The following HYAL4 variants were observed in gnomAD, a reference collection of about 807,000 sequenced individuals.
The protein encoded by HYAL4 is hyaluronidase-4.
HYAL4 carries 37 observed loss-of-function variants against 35.2 expected under a neutral mutation model. That is an observed-to-expected ratio of 1.05 (90% confidence interval 0.81 to 1.38). HYAL4 has a LOEUF of 1.38. HYAL4 is among the 40% of genes most tolerant of loss of function. The probability of loss-of-function intolerance (pLI) is 0.00; values close to 1 mark genes in which losing one functional copy is unlikely to be tolerated. For missense variants in HYAL4, 572 were observed against 572.4 expected, an observed-to-expected ratio of 1.00 and a Z score of 0.01; for synonymous variants, 198 against 203.2, an observed-to-expected ratio of 0.97 and a Z score of 0.22.
At chr7:123,781,127 A>G in the HYAL4 span, among the ~76,000 whole-genome samples, 4 of 46,846 alleles carry the variant, frequency 8.5e-5, no homozygotes, top group Non-Finnish European at 1.6e-4. Context: ...AGAGGAAGGC[A>G]TCTGTCTCCT....
upstream of HYAL4, among the ~76,000 whole-genome samples, chr7:123,825,204 T>G (rs570012128): frequency 6.6e-6 from 1 of 152,032 alleles, no homozygotes; most frequent in East Asian, 1.9e-4. Flanking sequence ...GTTCCTGTCT[T>G]TTTTTTAACC....
At chr7:123,765,966 T>G in the HYAL4 span, among the ~76,000 whole-genome samples, 1 of 152,196 alleles carries the variant, frequency 6.6e-6, no homozygotes, top group African/African-American at 2.4e-5. Context: ...CTTAAGCTAT[T>G]TGAATTTCCT....
At chr7:123,875,486 G>GTATAAAAATT (rs1806988653) in intron 4 of HYAL4, among the ~76,000 whole-genome samples, 3 of 151,836 alleles carry the variant, frequency 2.0e-5, no homozygotes, top group African/African-American at 7.3e-5. Context: ...AAGAAAGCCA[G>GTATAAAAATT]TCTCTACTAG....
intron 3 of HYAL4, among the ~76,000 whole-genome samples, chr7:123,873,671 A>G (rs1251550275): frequency 6.6e-6 from 1 of 152,228 alleles, no homozygotes; most frequent in Non-Finnish European, 1.5e-5. Context: ...GTAATTTAAT[A>G]AACTAGGAAA....
At chr7:123,857,150 C>A (rs1465337378) in intron 2 of HYAL4, among the ~76,000 whole-genome samples, 1 of 152,150 alleles carries the variant, frequency 6.6e-6, no homozygotes, top group Non-Finnish European at 1.5e-5. Flanking sequence ...TTGAGTTAGA[C>A]CACTTGGCTC....
At chr7:123,844,100 C>G (rs1806125245), upstream of HYAL4, 1 of 152,016 alleles carries the variant, frequency 6.6e-6, no homozygotes, top group Admixed American at 6.6e-5. Context: ...GAATTTTCAG[C>G]TTTTCTGCTC....
intron 2 of HYAL4, among the ~76,000 whole-genome samples, chr7:123,848,684 C>T (rs185125886): frequency 2.6e-5 from 4 of 152,248 alleles, no homozygotes; most frequent in East Asian, 3.9e-4. Context: ...AGTATTAGTG[C>T]GTATTTTGAC....
chr7:123,779,079 T>TTA, the HYAL4 span, among the ~76,000 whole-genome samples: 2 of 152,200 alleles, frequency 1.3e-5, no homozygotes, highest in Non-Finnish European at 2.9e-5. Flanking sequence ...CATGTTAATA[T>TTA]GTAAGAGGCT....
At chr7:123,830,326 A>G (rs554023617) in intron 1 of HYAL4, among the ~76,000 whole-genome samples, 1 of 152,346 alleles carries the variant, frequency 6.6e-6, no homozygotes, top group South Asian at 2.1e-4. Flanking sequence ...TAATTTTCCA[A>G]GAGAAATTAG....
chr7:123,790,422 TG>T, the HYAL4 span, among the ~76,000 whole-genome samples: 1 of 152,276 alleles, frequency 6.6e-6, no homozygotes, highest in Admixed American at 6.5e-5. Flanking sequence ...GAGTTAGAAC[TG>T]ATGTCTTCAG....
At chr7:123,768,203 A>G in the HYAL4 span, among the ~76,000 whole-genome samples, 1 of 152,234 alleles carries the variant, frequency 6.6e-6, no homozygotes, top group African/African-American at 2.4e-5. Context: ...TATAAACATA[A>G]CTACAGTACT....
rs763224719 is a variant in HYAL4, at chr7:123,868,394, C to T, written c.121C>T (p.Pro41Ser). ...CTCTTGTCTAAAACCTGCTCGACTT[C>T]CAATTTATCAAAGGAAACCTTTTAT... ...SISCLKPARL[P>S]IYQRKPFIAA... The change falls in exon 3 of 5, where the codon CCA becomes TCA. Residue 41 changes from proline to serine, a missense_variant. Transcript: ENST00000223026. 1.9e-5 allele frequency: 31 copies of T among 1,612,868 alleles called. No homozygotes were observed. The highest frequency in any genetic ancestry group is 2.6e-5 in the Non-Finnish European group (31 of 1,179,504).
chr7:123,789,085 T>A, the HYAL4 span, among the ~76,000 whole-genome samples: 1 of 152,290 alleles, frequency 6.6e-6, no homozygotes, highest in South Asian at 2.1e-4. Context: ...GGTGTATTTA[T>A]CCAGCACATA....
chr7:123,852,451 G>C (rs144059542), intron 2 of HYAL4, among the ~76,000 whole-genome samples: 3,200 of 152,084 alleles, frequency 0.021, 105 homozygotes, highest in African/African-American at 0.073. Flanking sequence ...TCAGTTTTCT[G>C]CATATGGCTA....
At chr7:123,802,158 C>G in the HYAL4 span, among the ~76,000 whole-genome samples, 1 of 152,098 alleles carries the variant, frequency 6.6e-6, no homozygotes, top group Non-Finnish European at 1.5e-5. Context: ...AAACATTTCC[C>G]CAGATACTTG....
chr7:123,840,735 T>C (rs555431934), upstream of HYAL4, among the ~76,000 whole-genome samples: 40 of 152,134 alleles, frequency 2.6e-4, no homozygotes, highest in East Asian at 7.3e-3. Flanking sequence ...AGGTATTTTA[T>C]TCTCTTTGTA....
chr7:123,829,639 A>G (rs962924599), intron 1 of HYAL4, among the ~76,000 whole-genome samples: 12 of 152,146 alleles, frequency 7.9e-5, no homozygotes, highest in African/African-American at 2.9e-4. Flanking sequence ...GCAATAAACA[A>G]GCCTGGACAA....
chr7:123,836,548 T>G (rs1371432694), intron 1 of HYAL4, among the ~76,000 whole-genome samples: 1 of 152,220 alleles, frequency 6.6e-6, no homozygotes, highest in African/African-American at 2.4e-5. Flanking sequence ...ATTCTATATC[T>G]TTTAAGTGGA....
rs770253211 is a variant in HYAL4, at chr7:123,868,589, GT to G, written c.317del (p.Val106AlafsTer11). ...CTATCCGTGGTATACATCACAAGGG[GT>G]CCCCATTAATGGAGGTCTCCCACAG... is the stretch of plus-strand genomic sequence containing the variant. ...GYYPWYTSQG[V>X]PINGGLPQNI... On this transcript the variant is annotated frameshift_variant, in exon 3 of 5. Coordinates refer to ENST00000223026, the MANE Select transcript of HYAL4 (RefSeq NM_012269.3). LOFTEE classifies it high-confidence loss of function. The G allele has an allele frequency of 4.2e-5, 68 of 1,614,186 alleles. No individual in the cohort carries two copies. In the African/African-American group the frequency reaches 8.1e-4, roughly 19 times the overall value.
Sources: allele counts gnomAD v4.1 joint callset (sites outside exome capture counted in the v4.1 genomes callset), GRCh38; gene constraint gnomAD v4.1.1; transcripts MANE v1.5; gene names NCBI Gene and HGNC (gene_info 2026-07-23, HGNC 2026-07-21).